UNC5D: variants seen among roughly 807,000 people sequenced by gnomAD.
UNC5D encodes the protein unc-5 netrin receptor D.
A neutral mutation model predicts 105.4 loss-of-function variants in UNC5D; 39 were observed. The observed-to-expected ratio is 0.37, with a 90% CI of 0.29 to 0.48. UNC5D has a LOEUF of 0.48. Among genes scored for constraint, UNC5D ranks in the 20% least tolerant of loss-of-function variants. The probability of loss-of-function intolerance (pLI) is 0.98; values close to 1 mark genes in which losing one functional copy is unlikely to be tolerated. For missense variants in UNC5D, 991 were observed against 1,202.4 expected (o/e 0.82, Z 2.60); for synonymous variants, 452 against 450.4 (o/e 1.00, Z -0.04).
intron 1 of UNC5D, among the ~76,000 whole-genome samples, chr8:35,508,965 A>T (rs558853999): frequency 4.6e-5 from 7 of 152,328 alleles, no homozygotes; most frequent in African/African-American, 1.7e-4. Context: ...ATTTATTATT[A>T]ATAGCTAAGG....
intron 16 of UNC5D, among the ~76,000 whole-genome samples, chr8:35,776,920 C>T (rs1432011690): frequency 1.3e-5 from 2 of 152,112 alleles, no homozygotes; most frequent in African/African-American, 4.8e-5. Context: ...GCCACAAGTT[C>T]AAGACCGGCC....
intron 1 of UNC5D, among the ~76,000 whole-genome samples, chr8:35,281,215 C>G (rs1296616702): frequency 6.6e-6 from 1 of 152,062 alleles, no homozygotes; most frequent in Non-Finnish European, 1.5e-5. Context: ...GAAAATTCAC[C>G]TCTTTTTACT....
chr8:35,309,822 T>G (rs531823953), intron 1 of UNC5D, among the ~76,000 whole-genome samples: 1 of 152,282 alleles, frequency 6.6e-6, no homozygotes, highest in Non-Finnish European at 1.5e-5. Flanking sequence ...AGTTCTGGGA[T>G]AGGGCCCAAA....
intron 4 of UNC5D, among the ~76,000 whole-genome samples, chr8:35,624,972 C>A (rs531985219): frequency 6.6e-6 from 1 of 152,280 alleles, no homozygotes; most frequent in South Asian, 2.1e-4. Context: ...TTATTGTAAT[C>A]TGCTTCATGC....
Position 35,651,253 on chromosome 8 carries a change from A to G in UNC5D, c.571-32294A>G, listed in dbSNP as rs112772341. ...TTCCCTGGGGCCAGTCCAGACTGAA[A>G]GGTTGTATGTAAATACAGGGAACTA... On this transcript the variant is annotated intron_variant, in intron 4 of 16. Coordinates refer to ENST00000404895, the MANE Select transcript of UNC5D (RefSeq NM_080872.4). Among the ~76,000 whole-genome samples the G allele has an allele frequency of 1.4e-3, 219 of 152,358 alleles. 1 individual carries two copies. Among genetic ancestry groups the G allele is most frequent in the African/African-American group, 4.9e-3 (205 of 41,582 alleles).
chr8:35,293,069 T>G (rs1807198371), intron 1 of UNC5D, among the ~76,000 whole-genome samples: 1 of 152,078 alleles, frequency 6.6e-6, no homozygotes, highest in Non-Finnish European at 1.5e-5. Context: ...ATATTTACTA[T>G]TCATTAAACA....
intron 1 of UNC5D, among the ~76,000 whole-genome samples, chr8:35,514,416 A>G (rs1379613632): frequency 6.6e-6 from 1 of 152,206 alleles, no homozygotes; most frequent in Non-Finnish European, 1.5e-5. Context: ...CTATCTCTGC[A>G]TGGGAGAGCA....
Position 35,258,244 on chromosome 8 carries a change from G to T in UNC5D, c.103+22357G>T, listed in dbSNP as rs370267455. Reference sequence around the variant, plus strand: ...CTGCCTCAACCCATTTTATAAGGGGGCAAATCCTGTTTCATCAGGGCAGAG... The same window carrying T: ...CTGCCTCAACCCATTTTATAAGGGGTCAAATCCTGTTTCATCAGGGCAGAG... On this transcript the variant is annotated intron_variant, in intron 1 of 16. Coordinates refer to ENST00000404895, the MANE Select transcript of UNC5D (RefSeq NM_080872.4). Among the ~76,000 whole-genome samples, 97 of 152,332 alleles carry T rather than the reference G, an allele frequency of 6.4e-4. No individual in the cohort carries two copies. The South Asian group carries it at 7.7e-3, about 12-fold the overall frequency.
At chr8:35,658,152 A>G (rs1405305324) in intron 4 of UNC5D, among the ~76,000 whole-genome samples, 1 of 152,190 alleles carries the variant, frequency 6.6e-6, no homozygotes, top group Non-Finnish European at 1.5e-5. Context: ...TATGACCTCA[A>G]TAGACTAATG....
intron 1 of UNC5D, among the ~76,000 whole-genome samples, chr8:35,361,587 G>A (rs928410953): frequency 1.4e-4 from 22 of 152,172 alleles, no homozygotes; most frequent in African/African-American, 5.1e-4. Context: ...ATTGACACCA[G>A]TAGCAAAGCA....
chr8:35,308,752 T>C (rs534169530), intron 1 of UNC5D, among the ~76,000 whole-genome samples: 2 of 152,306 alleles, frequency 1.3e-5, no homozygotes, highest in South Asian at 2.1e-4. Context: ...TTAAGAAAAC[T>C]GAGACTTTAA....
intron 7 of UNC5D, among the ~76,000 whole-genome samples, chr8:35,696,365 C>G (rs530990447): frequency 7.0e-6 from 1 of 143,610 alleles, no homozygotes; most frequent in South Asian, 2.2e-4. Context: ...AAAGTTTAGG[C>G]TTTCTGTCAT....
chr8:35,434,825 A>T (rs1356391518), intron 1 of UNC5D, among the ~76,000 whole-genome samples: 2 of 152,162 alleles, frequency 1.3e-5, no homozygotes, highest in Non-Finnish European at 2.9e-5. Flanking sequence ...TGTACAGTTT[A>T]TGTAGTAAGC....
intron 1 of UNC5D, among the ~76,000 whole-genome samples, chr8:35,253,681 G>T (rs1310271803): frequency 6.6e-6 from 1 of 151,560 alleles, no homozygotes; most frequent in Non-Finnish European, 1.5e-5. Flanking sequence ...AGTAGAGATG[G>T]GGTTCCACCA....
intron 1 of UNC5D, among the ~76,000 whole-genome samples, chr8:35,447,494 A>G (rs1807875172): frequency 2.0e-5 from 3 of 152,082 alleles, no homozygotes; most frequent in Admixed American, 1.3e-4. Flanking sequence ...TTCTACTGAC[A>G]TGCATTACCT....
At chr8:35,341,563 T>G (rs965249680) in intron 1 of UNC5D, among the ~76,000 whole-genome samples, 2 of 152,114 alleles carry the variant, frequency 1.3e-5, no homozygotes, top group African/African-American at 4.8e-5. Context: ...CTTTCGCCAT[T>G]TTAAAATACT....
At chr8:35,670,971 C>CAAGT (rs1824756885) in intron 4 of UNC5D, among the ~76,000 whole-genome samples, 1 of 118,446 alleles carries the variant, frequency 8.4e-6, no homozygotes, top group Non-Finnish European at 1.9e-5. Context: ...TCTAACTCAC[C>CAAGT]AAGTGGTTCA....
chr8:35,361,994 T>C (rs1285773995), intron 1 of UNC5D, among the ~76,000 whole-genome samples: 1 of 152,166 alleles, frequency 6.6e-6, no homozygotes, highest in African/African-American at 2.4e-5. Flanking sequence ...CTTACGCAAT[T>C]AGTGGCAAAT....
At chr8:35,403,877 C>G (rs1350742112) in intron 1 of UNC5D, among the ~76,000 whole-genome samples, 7 of 152,190 alleles carry the variant, frequency 4.6e-5, no homozygotes, top group African/African-American at 1.7e-4. Context: ...GTCTCCTGGA[C>G]TGCATTCCCT....
Sources: gnomAD v4.1 joint callset for allele counts (sites outside exome capture counted in the v4.1 genomes callset) on GRCh38, gnomAD v4.1.1 for gene constraint, MANE v1.5 for transcripts, NCBI Gene and HGNC (gene_info 2026-07-23, HGNC 2026-07-21) for gene names.